CD68: variants seen among roughly 807,000 people sequenced by gnomAD.
The protein encoded by CD68 is CD68 molecule, also known as macrosialin.
A neutral mutation model predicts 31.3 loss-of-function variants in CD68; 24 were observed. The observed-to-expected ratio is 0.77, with a 90% confidence interval of 0.55 to 1.08. The LOEUF is 1.08. CD68 is among the 50% of genes least tolerant of loss of function. The probability of loss-of-function intolerance (pLI) is 0.00; values close to 1 mark genes in which losing one functional copy is unlikely to be tolerated. For missense variants in CD68, 461 were observed against 442.5 expected (o/e 1.04, Z -0.38); for synonymous variants, 190 against 179.6 (o/e 1.06, Z -0.46).
At chr17:7,581,321 C>G in intron 5 of CD68, 57 bp from the exon 6 acceptor site, 2 of 1,609,798 alleles carry the variant, frequency 1.2e-6, no homozygotes, top group Non-Finnish European at 1.7e-6. Flanking sequence ...CCTCCTCCCA[C>G]CTTTATCCCA....
Position 7,580,532 on chromosome 17 carries a change from C to T in CD68, c.634C>T (p.Pro212Ser). ...KVQGSCEGAH[P>S]HLLLSFPYGH... ...CCAGGGAAGCTGTGAGGGTGCCCAT[C>T]CCCACCTGCTTCTCTCATTCCCCTA... The change falls in exon 3 of 6, where the codon CCC becomes TCC. Residue 212 changes from proline to serine, a missense_variant. Physicochemically the swap from Pro to Ser is moderately conservative, Grantham distance 74 (BLOSUM62 -1). Coordinates refer to ENST00000250092, the MANE Select transcript of CD68 (RefSeq NM_001251.3). The surrounding 1 kb of genome is among the most constrained non-coding windows in gnomAD (Gnocchi z 4.3). 6.2e-7 allele frequency: 1 copy of T among 1,614,038 alleles called. No homozygotes were observed. The highest frequency in any genetic ancestry group is 2.2e-5 in the East Asian group (1 of 44,872).
chr17:7,581,296 A>G, intron 5 of CD68, 82 bp from the exon 6 acceptor site: 1 of 1,537,118 alleles, frequency 6.5e-7, no homozygotes, highest in South Asian at 1.1e-5. Context: ...CCTACTCCCC[A>G]GCATCCCCCC....
chr17:7,581,719 T>C lies in CD68; in HGVS notation c.*208T>C. 2 of 540,580 alleles carry C rather than the reference T, an allele frequency of 3.7e-6. No homozygotes were observed. Among genetic ancestry groups the C allele is most frequent in the Non-Finnish European group, 3.3e-6 (1 of 302,316 alleles). 33.5% of individuals were successfully genotyped at this position (540,580 alleles called of 1,614,324 possible). A position where few individuals can be genotyped will look rare whatever the true frequency, so the allele number is the denominator to read the frequency against. ...GGTGGATCACTGGAGGTCAGGAGTT[T>C]GAGACCAGCCTGGCCAACATGGTGA... On this transcript the variant is annotated 3_prime_UTR_variant, in exon 6 of 6. Transcript: ENST00000250092.
Position 7,580,451 on chromosome 17 carries a change from C to T in CD68, c.568-15C>T. ...GCATGCAGTCTTGTGACCTTCCAGT[C>T]TTTAACTTCCGCAGGCCTGGGGCAT... is the stretch of plus-strand genomic sequence containing the variant. On this transcript the variant is annotated splice_polypyrimidine_tract_variant and intron_variant, in intron 2 of 5. Coordinates refer to ENST00000250092, the MANE Select transcript of CD68 (RefSeq NM_001251.3). This position sits in a 1 kb window ranked among gnomAD's most constrained non-coding sequence, Gnocchi z 4.3. 1 of 1,613,972 alleles carries T rather than the reference C, an allele frequency of 6.2e-7. No individual in the cohort carries two copies. The highest frequency in any genetic ancestry group is 8.5e-7 in the Non-Finnish European group (1 of 1,179,930).
chr17:7,580,038 C>G lies in CD68; in HGVS notation c.278C>G (p.Pro93Arg). ...AGCCATGGAAACGTCACAGTTCATC[C>G]AACAAGCAATAGCACTGCCACCAGC... ...TTSHGNVTVH[P>R]TSNSTATSQG... The change falls in exon 2 of 6, where the codon CCA becomes CGA. Residue 93 changes from proline (P) to arginine (R), a missense_variant. By Grantham distance (103) the Pro-to-Arg change is moderately radical. Transcript: ENST00000250092. This position sits in a 1 kb window ranked among gnomAD's most constrained non-coding sequence, Gnocchi z 4.3. 2 of 1,613,980 alleles carry G rather than the reference C, an allele frequency of 1.2e-6. No individual in the cohort carries two copies. Among genetic ancestry groups the G allele is most frequent in the Non-Finnish European group, 8.5e-7 (1 of 1,179,950 alleles).
At position 7,579,662 on chromosome 17, in the gene CD68, G is replaced by A; in HGVS notation, c.-16G>A. ...TGCAGACAGCCTAGCTGGACTTTGG[G>A]TGAGGCGGTTCAGCCATGAGGCTGG... On this transcript the variant is annotated 5_prime_UTR_variant, in exon 1 of 6. In the 5' UTR this introduces an upstream ATG that the reference lacks. Transcript: ENST00000250092. The A allele has an allele frequency of 6.2e-7, 1 of 1,601,070 alleles. No homozygotes were observed. The highest frequency in any genetic ancestry group is 8.5e-7 in the Non-Finnish European group (1 of 1,174,342).
Position 7,581,065 on chromosome 17 carries a change from A to C in CD68, c.930A>C (p.Gln310His), listed in dbSNP as rs777821415. ...AQLPHTGVFGQSFSCPSDRSI... is the reference protein window; with the variant it reads ...AQLPHTGVFGHSFSCPSDRSI... The stretch of plus-strand genomic sequence containing the variant: ...TGCCCCACACAGGGGTCTTTGGGCA[A>C]AGTAAGACCTACCTACTCCTTCCCT... The change falls in exon 5 of 6, where the codon CAA becomes CAC. Residue 310 changes from glutamine to histidine, a missense_variant and splice_region_variant. Gln to His is a conservative substitution (Grantham distance 24). Coordinates refer to ENST00000250092, the MANE Select transcript of CD68 (RefSeq NM_001251.3). The C allele has an allele frequency of 1.9e-6, 3 of 1,612,754 alleles. No individual in the cohort carries two copies. Among genetic ancestry groups the C allele is most frequent in the Non-Finnish European group, 2.5e-6 (3 of 1,179,286 alleles).
Position 7,579,737 on chromosome 17 carries a change from A to G in CD68, c.49+11A>G, listed in dbSNP as rs1394329569. 1 of 1,603,390 alleles carries G rather than the reference A, an allele frequency of 6.2e-7. No individual in the cohort carries two copies. The highest frequency in any genetic ancestry group is 1.1e-5 in the South Asian group (1 of 90,086). ...TGGGGCTACTGGCAGGTAAGGAGGA[A>G]GGAGGCTGAGGGGAGGGGGCCCCTG... On this transcript the variant is annotated intron_variant, in intron 1 of 5. Transcript: ENST00000250092.
rs1180789893 is a variant in CD68, at chr17:7,581,644, G to C, written c.*133G>C. On this transcript the variant is annotated 3_prime_UTR_variant, in exon 6 of 6. Transcript: ENST00000250092. ...TTTCTTGAAGAACAAAAAGAAAGCC[G>C]GGCATGACGGCTCATGCCTGTAATC... The C allele has an allele frequency of 5.1e-6, 5 of 975,188 alleles. No individual in the cohort carries two copies. In the Admixed American group the frequency reaches 1.2e-4, roughly 23 times the overall value. The allele number at this position is 975,188 out of a possible 1,614,324, so 60.4% of individuals were successfully genotyped here. A position where few individuals can be genotyped will look rare whatever the true frequency, so the allele number is the denominator to read the frequency against.
Position 7,581,692 on chromosome 17 carries a change from C to T in CD68, c.*181C>T, listed in dbSNP as rs1311884821. 3.2e-6 allele frequency: 2 copies of T among 622,320 alleles called. No individual in the cohort carries two copies. The highest frequency in any genetic ancestry group is 6.0e-5 in the East Asian group (2 of 33,302). 38.5% of individuals were successfully genotyped at this position (622,320 alleles called of 1,614,324 possible). ...ATCCCAGCACTTTGGGAGGCTGAGGCAGGTGGATCACTGGAGGTCAGGAGT... is the reference window on the plus strand; with the variant it reads ...ATCCCAGCACTTTGGGAGGCTGAGGTAGGTGGATCACTGGAGGTCAGGAGT... On this transcript the variant is annotated 3_prime_UTR_variant, in exon 6 of 6. Transcript: ENST00000250092.
In CD68 at chr17:7,581,555, G is replaced by T; in HGVS notation, c.*44G>T. The T allele has an allele frequency of 6.2e-7, 1 of 1,600,078 alleles. No individual in the cohort carries two copies. Among genetic ancestry groups the T allele is most frequent in the Non-Finnish European group, 8.6e-7 (1 of 1,167,920 alleles). ...AGGGCACTGAGGGGGTTGGGGTGTG[G>T]TGGGGGGGTACCCTTATTTCCTCGA... On this transcript the variant is annotated 3_prime_UTR_variant, in exon 6 of 6. Transcript: ENST00000250092.
rs2071458560 is a variant in CD68, at chr17:7,579,792, T to A, written c.50-18T>A. 1.2e-5 allele frequency: 19 copies of A among 1,608,808 alleles called. No individual in the cohort carries two copies. The highest frequency in any genetic ancestry group is 1.6e-5 in the Non-Finnish European group (19 of 1,176,824). ...GGAGCCTGCCCTGGGTTGCTAACCA[T>A]CTCCTCTCTGCCAAAAGCCCAGGGG... On this transcript the variant is annotated intron_variant, in intron 1 of 5. Transcript: ENST00000250092.
In CD68 at chr17:7,581,556, T is replaced by TGGGG. The variant is rs34688956; in HGVS notation, c.*49_*52dup. On this transcript the variant is annotated 3_prime_UTR_variant, in exon 6 of 6. Transcript: ENST00000250092. ...GGGCACTGAGGGGGTTGGGGTGTGG[T>TGGGG]GGGGGGGTACCCTTATTTCCTCGAC... is the stretch of plus-strand genomic sequence containing the variant. 66 of 1,590,470 alleles carry TGGGG rather than the reference T, an allele frequency of 4.1e-5. No individual in the cohort carries two copies. In the African/African-American group the frequency reaches 8.6e-4, roughly 21 times the overall value.
Position 7,579,936 on chromosome 17 carries a change from C to T in CD68, c.176C>T (p.Thr59Ile), listed in dbSNP as rs772227086. 15 of 1,613,862 alleles carry T rather than the reference C, an allele frequency of 9.3e-6. No homozygotes were observed. The highest frequency in any genetic ancestry group is 2.7e-5 in the African/African-American group (2 of 74,888). Residue 59 changes from threonine (T) to isoleucine (I), a missense_variant, in exon 2 of 6, where the codon ACC (threonine) becomes ATC (isoleucine). Coordinates refer to ENST00000250092, the MANE Select transcript of CD68 (RefSeq NM_001251.3). ...TSHRTTKSHK[T>I]TTHRTTTTGT... ...CACAGGACTACCAAGAGCCACAAAA[C>T]CACCACTCACAGGACAACCACCACA... is the stretch of plus-strand genomic sequence containing the variant.
At position 7,580,053 on chromosome 17, in the gene CD68, C is replaced by A; in HGVS notation, c.293C>A (p.Thr98Asn). ...NVTVHPTSNS[T>N]ATSQGPSTAT... ...ACAGTTCATCCAACAAGCAATAGCA[C>A]TGCCACCAGCCAGGGACCCTCAACT... The change falls in exon 2 of 6, where the codon ACT becomes AAT. Residue 98 changes from threonine (T) to asparagine (N), a missense_variant. Thr to Asn is a moderately conservative substitution (Grantham distance 65). Transcript: ENST00000250092. This position sits in a 1 kb window ranked among gnomAD's most constrained non-coding sequence, Gnocchi z 4.3. 1 of 1,614,024 alleles carries A rather than the reference C, an allele frequency of 6.2e-7. No individual in the cohort carries two copies. Among genetic ancestry groups the A allele is most frequent in the Non-Finnish European group, 8.5e-7 (1 of 1,179,956 alleles).
At chr17:7,581,303 C>A in intron 5 of CD68, 75 bp from the exon 6 acceptor site, 5 of 1,573,752 alleles carry the variant, frequency 3.2e-6, no homozygotes, top group Non-Finnish European at 4.4e-6. Context: ...CCCAGCATCC[C>A]CCCATTCCCT....
At position 7,582,011 on chromosome 17, in the gene CD68, GCCCC is replaced by G. The variant is rs34550130; in HGVS notation, c.*513_*516del. The G allele has an allele frequency of 9.8e-4, 10 of 10,164 alleles. 1 individual carries two copies. The highest frequency in any genetic ancestry group is 1.5e-3 in the African/African-American group (3 of 2,044). 0.6% of individuals were successfully genotyped at this position (10,164 alleles called of 1,614,324 possible). ...AGAATTTTATTAAATGTGACGAACT[GCCCC>G]CCCCCCCCCCCCAGCAGGAGAGCAG... On this transcript the variant is annotated 3_prime_UTR_variant, in exon 6 of 6. Coordinates refer to ENST00000250092, the MANE Select transcript of CD68 (RefSeq NM_001251.3).
In CD68 at chr17:7,582,101, G is replaced by C; in HGVS notation, c.*590G>C. 2 of 654,220 alleles carry C rather than the reference G, an allele frequency of 3.1e-6. No homozygotes were observed. The highest frequency in any genetic ancestry group is 3.7e-6 in the Non-Finnish European group (2 of 538,386). 40.5% of individuals were successfully genotyped at this position (654,220 alleles called of 1,614,324 possible). On this transcript the variant is annotated 3_prime_UTR_variant, in exon 6 of 6. Transcript: ENST00000250092. Reference sequence around the variant, plus strand: ...GTCCTGCCAGGATTAAAAGCCATGAGTTTCTTGTCACATGCCTTTCTATGC... The same window carrying C: ...GTCCTGCCAGGATTAAAAGCCATGACTTTCTTGTCACATGCCTTTCTATGC...
rs375302735 is a variant in CD68 at position 7,579,727 on chromosome 17, G to A, written c.49+1G>A. 34 of 1,604,498 alleles carry A rather than the reference G, an allele frequency of 2.1e-5. No individual in the cohort carries two copies. Among genetic ancestry groups the A allele is most frequent in the African/African-American group, 9.4e-5 (7 of 74,416 alleles). The stretch of plus-strand genomic sequence containing the variant: ...GGGGCCCTGCTGGGGCTACTGGCAG[G>A]TAAGGAGGAAGGAGGCTGAGGGGAG... On this transcript the variant is annotated splice_donor_variant, in intron 1 of 5. Coordinates refer to ENST00000250092, the MANE Select transcript of CD68 (RefSeq NM_001251.3). LOFTEE classifies it high-confidence loss of function.
Sources: gnomAD v4.1 joint callset for allele counts on GRCh38, gnomAD v4.1.1 for gene constraint, Gnocchi (gnomAD v3.1) non-coding constraint, MANE v1.5 for transcripts, NCBI Gene and HGNC (gene_info 2026-07-23, HGNC 2026-07-21) for gene names.